STAM: variants seen among roughly 807,000 people sequenced by gnomAD.
STAM encodes signal transducing adaptor molecule, also known as signal transducing adapter molecule 1.
STAM carries 16 observed loss-of-function variants against 63.4 expected under a neutral mutation model. That is an observed-to-expected ratio of 0.25 (90% CI 0.17 to 0.38). The LOEUF (loss-of-function observed/expected upper bound fraction) is 0.38, where lower values mean the gene tolerates loss of function less well. STAM is among the 10% of genes least tolerant of loss of function. STAM has a pLI of 1.00. For missense variants in STAM, 636 were observed against 657.1 expected (o/e 0.97, Z 0.35); for synonymous variants, 238 against 223.9 (o/e 1.06, Z -0.56).
At chr10:17,703,585 AC>A (rs777983471) in intron 9 of STAM, among the ~76,000 whole-genome samples, 241 of 152,300 alleles carry the variant, frequency 1.6e-3, no homozygotes, top group Non-Finnish European at 2.4e-3. Flanking sequence ...TTTTTAAAAA[AC>A]ATAAATACAT....
At chr10:17,648,826 T>C (rs940656497) in intron 1 of STAM, among the ~76,000 whole-genome samples, 5 of 152,216 alleles carry the variant, frequency 3.3e-5, no homozygotes, top group Non-Finnish European at 7.3e-5. Flanking sequence ...GGTAGCTTCC[T>C]ATCCTACTTA....
chr10:17,706,615 G>C (rs1416567550), intron 12 of STAM, among the ~76,000 whole-genome samples: 3 of 151,886 alleles, frequency 2.0e-5, no homozygotes, highest in African/African-American at 7.3e-5. Flanking sequence ...TCCTGACCTC[G>C]TGATCCACCC....
At position 17,708,916 on chromosome 10, in the gene STAM, C is replaced by T. The variant is rs1554829738; in HGVS notation, c.1350C>T (p.Ala450=). 1.2e-6 allele frequency: 2 copies of T among 1,614,092 alleles called. No homozygotes were observed. Among genetic ancestry groups the T allele is most frequent in the Non-Finnish European group, 1.7e-6 (2 of 1,179,994 alleles). The change falls in exon 13 of 14, where the codon GCC becomes GCT. Residue 450 remains alanine, a synonymous_variant. Transcript: ENST00000377524. ...QAVVPPSANP[A]LPSQQTQAAY... ...TGGTCCCACCATCCGCAAACCCAGC[C>T]CTTCCTAGTCAGCAGACTCAGGCCG...
chr10:17,651,947 A>C (rs1284303391), intron 1 of STAM, among the ~76,000 whole-genome samples: 1 of 152,236 alleles, frequency 6.6e-6, no homozygotes, highest in African/African-American at 2.4e-5. Context: ...GTTGCTGCTT[A>C]TCAGAAAAAG....
chr10:17,707,586 A>G (rs1414663080), intron 12 of STAM, among the ~76,000 whole-genome samples: 1 of 152,150 alleles, frequency 6.6e-6, no homozygotes, highest in African/African-American at 2.4e-5. Context: ...CACCTGCTTT[A>G]GAGTCTTGAT....
intron 1 of STAM, among the ~76,000 whole-genome samples, chr10:17,648,144 C>G (rs1833589750): frequency 6.6e-6 from 1 of 152,142 alleles, no homozygotes; most frequent in South Asian, 2.1e-4. Flanking sequence ...AAAATATATC[C>G]AGAATTTCAT....
rs782156340 is a variant in STAM, at chr10:17,708,825, C to T, written c.1259C>T (p.Ala420Val). 11 of 1,613,998 alleles carry T rather than the reference C, an allele frequency of 6.8e-6. No individual in the cohort carries two copies. The highest frequency in any genetic ancestry group is 2.2e-5 in the South Asian group (2 of 91,080). The change falls in exon 13 of 14, where the codon GCG becomes GTG. Residue 420 changes from alanine to valine, a missense_variant. By Grantham distance (64) the Ala-to-Val change is moderately conservative. Around this residue, in one of 3 missense-constraint regions of STAM, gnomAD observed 532 missense variants for 536.9 expected, o/e 0.99. Coordinates refer to ENST00000377524, the MANE Select transcript of STAM (RefSeq NM_003473.4). Reference protein sequence around the residue: ...PSGAYLVAGNAQMSHLQSYSL... With the variant: ...PSGAYLVAGNVQMSHLQSYSL... ...GGTGCCTACCTGGTTGCAGGGAACG[C>T]GCAGATGAGCCACCTCCAGAGCTAC...
intron 2 of STAM, among the ~76,000 whole-genome samples, chr10:17,681,521 A>G (rs1554825359): frequency 6.6e-6 from 1 of 152,190 alleles, no homozygotes; most frequent in Non-Finnish European, 1.5e-5. Context: ...TAATATCCAT[A>G]TGCCCTTGAG....
At position 17,644,207 on chromosome 10, in the gene STAM, A is replaced by C; in HGVS notation, c.-133A>C. On this transcript the variant is annotated 5_prime_UTR_variant, in exon 1 of 14. Transcript: ENST00000377524. Reference sequence around the variant, plus strand: ...GCGGTTGGTGGGGTTGGGTGAGAGGAGGAGCTGTCGCGGACCCTGTAGAGT... The same window carrying C: ...GCGGTTGGTGGGGTTGGGTGAGAGGCGGAGCTGTCGCGGACCCTGTAGAGT... 3 of 936,448 alleles carry C rather than the reference A, an allele frequency of 3.2e-6. No homozygotes were observed. The South Asian group carries it at 4.1e-5, about 13-fold the overall frequency. 58.0% of individuals were successfully genotyped at this position (936,448 alleles called of 1,614,324 possible).
At chr10:17,702,466 G>T (rs1434083115) in intron 9 of STAM, among the ~76,000 whole-genome samples, 1 of 152,150 alleles carries the variant, frequency 6.6e-6, no homozygotes, top group African/African-American at 2.4e-5. Context: ...ATATTTAAAG[G>T]AATTTTTGAC....
intron 12 of STAM, among the ~76,000 whole-genome samples, chr10:17,706,529 T>C (rs782029477): frequency 2.3e-4 from 35 of 151,798 alleles, no homozygotes; most frequent in Non-Finnish European, 4.4e-4. Context: ...CAGGCGCCCG[T>C]CACCACGCCA....
chr10:17,704,550 G>C (rs1836167717), intron 10 of STAM, 32 bp downstream of exon 10: 2 of 1,558,106 alleles, frequency 1.3e-6, no homozygotes, highest in Non-Finnish European at 8.9e-7. Flanking sequence ...TGCAAATAAA[G>C]AGTAGTTAGA....
chr10:17,704,641 C>A, intron 10 of STAM, 123 bp downstream of exon 10: 1 of 828,088 alleles, frequency 1.2e-6, no homozygotes, highest in South Asian at 1.7e-5. Context: ...CTCCTTGACC[C>A]AGGCTCACTC....
intron 2 of STAM, among the ~76,000 whole-genome samples, chr10:17,682,004 T>C (rs9423967): frequency 0.25 from 38,638 of 152,158 alleles, 5,463 homozygotes; most frequent in Non-Finnish European, 0.31. Context: ...GTCATTTAAA[T>C]AGATCTGTTT....
At chr10:17,646,573 G>A (rs1346513402) in intron 1 of STAM, among the ~76,000 whole-genome samples, 1 of 152,186 alleles carries the variant, frequency 6.6e-6, no homozygotes, top group African/African-American at 2.4e-5. Context: ...AGTTGAGCCT[G>A]CCAGACATTA....
intron 4 of STAM, among the ~76,000 whole-genome samples, chr10:17,686,722 G>T (rs911125558): frequency 6.6e-6 from 1 of 152,164 alleles, no homozygotes; most frequent in Non-Finnish European, 1.5e-5. Context: ...AACAAATTAA[G>T]TTCATGTATA....
chr10:17,673,410 G>A (rs535604667), intron 2 of STAM, among the ~76,000 whole-genome samples: 1 of 152,170 alleles, frequency 6.6e-6, no homozygotes, highest in Non-Finnish European at 1.5e-5. Context: ...GTTTTGCTCA[G>A]TGACTTTTTT....
rs114991925 is a variant in STAM, at chr10:17,680,768, G to C, written c.126-3907G>C. ...CATCATACAGCATTTGTCCTGTTGT[G>C]ACCAGCTTATTTCACTTAGCGTAAT... On this transcript the variant is annotated intron_variant, in intron 2 of 13. Transcript: ENST00000377524. Among the ~76,000 whole-genome samples, 847 of 152,238 alleles carry C rather than the reference G, an allele frequency of 5.6e-3. 4 individuals are homozygous for C. Among genetic ancestry groups the C allele is most frequent in the African/African-American group, 0.02 (811 of 41,520 alleles).
rs782516943 is a variant in STAM at position 17,644,307 on chromosome 10, G to T, written c.-33G>T. ...CTCTGACTCCCGTGCTGTCGAGAGG[G>T]AGTCCCCGGGGACACCTCGGCACGC... On this transcript the variant is annotated 5_prime_UTR_variant, in exon 1 of 14. Coordinates refer to ENST00000377524, the MANE Select transcript of STAM (RefSeq NM_003473.4). The T allele has an allele frequency of 6.2e-7, 1 of 1,613,864 alleles. No individual in the cohort carries two copies. Among genetic ancestry groups the T allele is most frequent in the South Asian group, 1.1e-5 (1 of 91,052 alleles).
Sources: gnomAD v4.1 joint callset for allele counts (sites outside exome capture counted in the v4.1 genomes callset) on GRCh38, gnomAD v4.1.1 for gene constraint, gnomAD v4.1.1 regional missense constraint, MANE v1.5 for transcripts, NCBI Gene and HGNC (gene_info 2026-07-23, HGNC 2026-07-21) for gene names.